Variants in STXBP4 observed in about 807,000 individuals in gnomAD.
The protein encoded by STXBP4 is syntaxin-binding protein 4.
A neutral mutation model predicts 76.1 loss-of-function variants in STXBP4; 55 were observed. That is an observed-to-expected ratio of 0.72 (90% CI 0.58 to 0.91). STXBP4 has a LOEUF of 0.91. Ranked by LOEUF, STXBP4 falls within the 40% of genes least tolerant of loss-of-function variation. The pLI is 0.00. For synonymous variants in STXBP4, 201 were observed against 220.2 expected (o/e 0.91, Z 0.77); for missense variants, 618 against 636.9 (o/e 0.97, Z 0.32).
At chr17:55,107,340 C>T (rs1260195808) in intron 16 of STXBP4, among the ~76,000 whole-genome samples, 1 of 152,130 alleles carries the variant, frequency 6.6e-6, no homozygotes, top group Non-Finnish European at 1.5e-5. Flanking sequence ...ATTCCTCTAA[C>T]CTTTTTTCAA....
intron 1 of STXBP4, among the ~76,000 whole-genome samples, chr17:54,984,058 C>G (rs954191143): frequency 6.6e-6 from 1 of 152,048 alleles, no homozygotes; most frequent in Non-Finnish European, 1.5e-5. Context: ...TTCCACTGTT[C>G]CTGTTGCTTG....
rs113552135 is a variant in STXBP4, at chr17:55,063,035, A to G, written c.1012-9865A>G. ...ATTAATTCCTTTTTTGTGATTCAGAAAGTGACTCCTGTATTCTCCACCATT... is the reference window on the plus strand; with the variant it reads ...ATTAATTCCTTTTTTGTGATTCAGAGAGTGACTCCTGTATTCTCCACCATT... On this transcript the variant is annotated intron_variant, in intron 12 of 17. Coordinates refer to ENST00000376352, the MANE Select transcript of STXBP4 (RefSeq NM_178509.6). Among the ~76,000 whole-genome samples the G allele has an allele frequency of 7.2e-3, 1,101 of 152,294 alleles. 6 individuals carry two copies. Among genetic ancestry groups the G allele is most frequent in the Non-Finnish European group, 0.011 (716 of 68,024 alleles).
At chr17:55,106,325 T>C (rs1270635207) in intron 16 of STXBP4, among the ~76,000 whole-genome samples, 1 of 151,912 alleles carries the variant, frequency 6.6e-6, no homozygotes, top group East Asian at 1.9e-4. Context: ...TAAATATTCC[T>C]CCATCCCTTT....
intron 16 of STXBP4, among the ~76,000 whole-genome samples, chr17:55,091,240 A>T (rs2079409796): frequency 1.3e-5 from 2 of 152,130 alleles, no homozygotes; most frequent in Admixed American, 1.3e-4. Flanking sequence ...ATCCTTGGGA[A>T]TCCGTTTTGC....
intron 17 of STXBP4, among the ~76,000 whole-genome samples, chr17:55,148,022 A>T (rs2080176029): frequency 6.6e-6 from 1 of 152,168 alleles, no homozygotes; most frequent in Non-Finnish European, 1.5e-5. Flanking sequence ...GGTTGGAATA[A>T]CAAAATAAAC....
At chr17:55,187,461 A>G in the STXBP4 span, among the ~76,000 whole-genome samples, 2 of 152,018 alleles carry the variant, frequency 1.3e-5, no homozygotes, top group East Asian at 1.9e-4. Flanking sequence ...ACAGTGTTCT[A>G]TGGAGCCCAT....
the STXBP4 span, among the ~76,000 whole-genome samples, chr17:55,207,382 A>C: frequency 6.6e-6 from 1 of 152,110 alleles, no homozygotes; most frequent in Non-Finnish European, 1.5e-5. Context: ...CCTGACCAGG[A>C]TGAGCTTCCA....
rs770915866 is a variant in STXBP4 at position 55,078,046 on chromosome 17, G to C, written c.1189-32G>C. On this transcript the variant is annotated intron_variant, in intron 13 of 17. Transcript: ENST00000376352. Reference sequence around the variant, plus strand: ...ACCAGTAATGTAAAACTGAAGAAATGTGTAAATGCTCCTTTTGATATCTCT... The same window carrying C: ...ACCAGTAATGTAAAACTGAAGAAATCTGTAAATGCTCCTTTTGATATCTCT... The C allele has an allele frequency of 2.4e-5, 33 of 1,395,240 alleles. No individual in the cohort carries two copies. The South Asian group carries it at 3.9e-4, about 16-fold the overall frequency. 86.4% of individuals were successfully genotyped at this position (1,395,240 alleles called of 1,614,324 possible). A position where few individuals can be genotyped will look rare whatever the true frequency, so the allele number is the denominator to read the frequency against.
At chr17:55,009,120 C>A (rs1187472256) in intron 8 of STXBP4, among the ~76,000 whole-genome samples, 2 of 152,140 alleles carry the variant, frequency 1.3e-5, no homozygotes, top group African/African-American at 4.8e-5. Flanking sequence ...GTTTAAATAG[C>A]TGCTTCGTGC....
At chr17:55,006,296 C>G (rs1416302961) in intron 7 of STXBP4, among the ~76,000 whole-genome samples, 2 of 152,042 alleles carry the variant, frequency 1.3e-5, no homozygotes, top group African/African-American at 4.8e-5. Context: ...TTTTCATATG[C>G]ACTTCTTATG....
Position 54,999,415 on chromosome 17 carries a change from A to G in STXBP4, c.251A>G (p.Glu84Gly). The change falls in exon 5 of 18, where the codon GAA (glutamate) becomes GGA (glycine). Residue 84 changes from glutamate (E) to glycine (G), a missense_variant. Coordinates refer to ENST00000376352, the MANE Select transcript of STXBP4 (RefSeq NM_178509.6). ...NKESMIGVSF[E>G]EAKSIITGAK... ...GAATCTATGATTGGTGTATCATTTG[A>G]AGAAGCAAAAAGCATAATTACCGGA... 1 of 1,613,028 alleles carries G rather than the reference A, an allele frequency of 6.2e-7. No individual in the cohort carries two copies. The highest frequency in any genetic ancestry group is 8.5e-7 in the Non-Finnish European group (1 of 1,179,604).
chr17:55,098,075 C>G (rs2079515781), intron 16 of STXBP4, among the ~76,000 whole-genome samples: 1 of 152,136 alleles, frequency 6.6e-6, no homozygotes, highest in South Asian at 2.1e-4. Flanking sequence ...TCCTTACAGC[C>G]TTAAACCATT....
At chr17:55,145,321 A>G (rs2080140300) in intron 17 of STXBP4, among the ~76,000 whole-genome samples, 1 of 152,194 alleles carries the variant, frequency 6.6e-6, no homozygotes, top group South Asian at 2.1e-4. Context: ...ATAATAAGTA[A>G]TGGACTCAGA....
chr17:55,207,004 T>C, the STXBP4 span, among the ~76,000 whole-genome samples: 1 of 152,006 alleles, frequency 6.6e-6, no homozygotes, highest in African/African-American at 2.4e-5. Flanking sequence ...CCTTCAACAT[T>C]ACTGAGGGAG....
In STXBP4 at chr17:55,051,888, G is replaced by A. The variant is rs376377892; in HGVS notation, c.1011+4734G>A. On this transcript the variant is annotated intron_variant, in intron 12 of 17. Transcript: ENST00000376352. ...GTACACATGTGTATTATATATATGC[G>A]TGTGTATATATACAGATGTTCCTCA... Among the ~76,000 whole-genome samples the A allele has an allele frequency of 1.4e-3, 214 of 152,082 alleles. 1 individual carries two copies. Among genetic ancestry groups the A allele is most frequent in the African/African-American group, 4.9e-3 (203 of 41,488 alleles).
intron 15 of STXBP4, 84 bp downstream of exon 15, chr17:55,078,819 C>A: frequency 2.5e-6 from 2 of 807,400 alleles, no homozygotes; most frequent in Non-Finnish European, 4.3e-6. Context: ...TACTAAAAAT[C>A]TCTTAAATAG....
chr17:55,117,146 C>T (rs919711521), intron 16 of STXBP4, among the ~76,000 whole-genome samples: 1 of 151,654 alleles, frequency 6.6e-6, no homozygotes, highest in African/African-American at 2.4e-5. Flanking sequence ...TCTTGGTAGG[C>T]AAAAACTGTG....
intron 4 of STXBP4, among the ~76,000 whole-genome samples, chr17:54,994,844 CTTAGGAAACAG>C (rs1567708599): frequency 6.6e-6 from 1 of 151,334 alleles, no homozygotes. Flanking sequence ...ATGCTGTTCC[CTTAGGAAACAG>C]CACTCCATTT....
At chr17:55,122,033 C>T (rs1378411628) in intron 16 of STXBP4, among the ~76,000 whole-genome samples, 1 of 152,032 alleles carries the variant, frequency 6.6e-6, no homozygotes, top group Non-Finnish European at 1.5e-5. Flanking sequence ...ATTTGTTTTC[C>T]CAGCTACTTG....
Sources: gnomAD v4.1 joint callset for allele counts (sites outside exome capture counted in the v4.1 genomes callset) on GRCh38, gnomAD v4.1.1 for gene constraint, MANE v1.5 for transcripts, NCBI Gene and HGNC (gene_info 2026-07-23, HGNC 2026-07-21) for gene names.